The following GREM2 variants were observed in gnomAD, a reference collection of about 807,000 sequenced individuals.
The protein encoded by GREM2 is gremlin-2.
GREM2 carries 11 observed loss-of-function variants against 14.2 expected under a neutral mutation model. The observed-to-expected ratio is 0.78, with a 90% confidence interval of 0.49 to 1.28. The LOEUF is 1.28. Among genes scored for constraint, GREM2 ranks in the 50% most tolerant of loss-of-function variants. The probability of loss-of-function intolerance (pLI) is 0.00; values close to 1 mark genes in which losing one functional copy is unlikely to be tolerated. For missense variants in GREM2, 210 were observed against 218.5 expected (o/e 0.96, Z 0.24); for synonymous variants, 98 against 97.6 (o/e 1.00, Z -0.02).
rs1678562242 is a variant in GREM2, at chr1:240,540,498, A to C, written c.-1-47022T>G. On this transcript the variant is annotated intron_variant, in intron 1 of 1. Transcript: ENST00000318160. This position sits in a 1 kb window ranked among gnomAD's most constrained non-coding sequence, Gnocchi z 4.2. ...TGAACTGAGAGATTGTGTTCTAGTA[A>C]GACTGGAATCACTACCATTAACAGC... 6.6e-6 allele frequency among the ~76,000 whole-genome samples: 1 copy of C among 152,178 alleles called. No homozygotes were observed. The highest frequency in any genetic ancestry group is 2.1e-4 in the South Asian group (1 of 4,824).
intron 1 of GREM2, among the ~76,000 whole-genome samples, chr1:240,538,851 T>G (rs978213455): frequency 1.3e-5 from 2 of 152,234 alleles, no homozygotes; most frequent in African/African-American, 4.8e-5. Context: ...TCTCCCAAAA[T>G]GAATCAGAAA....
intron 1 of GREM2, among the ~76,000 whole-genome samples, chr1:240,599,243 G>A (rs980102548): frequency 2.7e-5 from 4 of 150,620 alleles, no homozygotes; most frequent in African/African-American, 7.4e-5. Context: ...ACTTCAGCCG[G>A]GGCAACAGAG....
chr1:240,582,582 G>A (rs567202833), intron 1 of GREM2, among the ~76,000 whole-genome samples: 2 of 152,180 alleles, frequency 1.3e-5, no homozygotes, highest in Admixed American at 6.5e-5. Flanking sequence ...GATCACCGGA[G>A]GTCAGGAGTT....
intron 1 of GREM2, among the ~76,000 whole-genome samples, chr1:240,497,510 A>G (rs1412246505): frequency 6.6e-6 from 1 of 152,094 alleles, no homozygotes; most frequent in Admixed American, 6.6e-5. Flanking sequence ...TTAGGAAGTC[A>G]CAAGTAAGTG....
chr1:240,579,063 G>T (rs1025041942), intron 1 of GREM2, among the ~76,000 whole-genome samples: 2 of 152,110 alleles, frequency 1.3e-5, no homozygotes, highest in South Asian at 4.1e-4. Flanking sequence ...GACTCTCATT[G>T]TCAGGTCATT....
At chr1:240,535,604 A>C (rs1266042925) in intron 1 of GREM2, among the ~76,000 whole-genome samples, 1 of 152,116 alleles carries the variant, frequency 6.6e-6, no homozygotes, top group Non-Finnish European at 1.5e-5. Context: ...GTTTGAGACC[A>C]ACCTGGCCAA....
chr1:240,610,232 G>A (rs1680106766), intron 1 of GREM2, among the ~76,000 whole-genome samples: 1 of 151,786 alleles, frequency 6.6e-6, no homozygotes, highest in African/African-American at 2.4e-5. Context: ...AATGTAGTTG[G>A]GTCGATTAAC....
At chr1:240,499,289 G>T (rs1320946951) in intron 1 of GREM2, among the ~76,000 whole-genome samples, 1 of 152,190 alleles carries the variant, frequency 6.6e-6, no homozygotes, top group Non-Finnish European at 1.5e-5. Flanking sequence ...TTGAGTTTTA[G>T]AAGTCAAATC....
At chr1:240,547,458 C>T (rs1678757263) in intron 1 of GREM2, among the ~76,000 whole-genome samples, 1 of 148,378 alleles carries the variant, frequency 6.7e-6, no homozygotes, top group Non-Finnish European at 1.5e-5. Context: ...CGAAATCACA[C>T]CGCTGCACTC....
At chr1:240,605,399 C>T (rs541699449) in intron 1 of GREM2, among the ~76,000 whole-genome samples, 30 of 152,192 alleles carry the variant, frequency 2.0e-4, no homozygotes, top group African/African-American at 5.1e-4. Context: ...ATCACTTGAA[C>T]GTGAGAGGTT....
At chr1:240,600,598 C>T (rs978986361) in intron 1 of GREM2, among the ~76,000 whole-genome samples, 1 of 152,170 alleles carries the variant, frequency 6.6e-6, no homozygotes, top group African/African-American at 2.4e-5. Flanking sequence ...ATTCTCCTAC[C>T]TCAGCCTCCT....
At chr1:240,586,424 T>C (rs1051667422) in intron 1 of GREM2, among the ~76,000 whole-genome samples, 30 of 152,232 alleles carry the variant, frequency 2.0e-4, no homozygotes, top group African/African-American at 7.0e-4. Context: ...GACTTCTCAC[T>C]GAGTGACCTT....
chr1:240,556,319 T>C (rs571183039), intron 1 of GREM2, among the ~76,000 whole-genome samples: 11 of 152,284 alleles, frequency 7.2e-5, no homozygotes, highest in Admixed American at 5.9e-4. Flanking sequence ...GGAAATCTAT[T>C]AGCACCATCA....
In GREM2 at chr1:240,543,296, CTG is replaced by C. The variant is rs1302567629; in HGVS notation, c.-1-49822_-1-49821del. 2.0e-5 allele frequency among the ~76,000 whole-genome samples: 3 copies of C among 152,150 alleles called. No individual in the cohort carries two copies. Among genetic ancestry groups the C allele is most frequent in the South Asian group, 2.1e-4 (1 of 4,830 alleles). On this transcript the variant is annotated intron_variant, in intron 1 of 1. Coordinates refer to ENST00000318160, the MANE Select transcript of GREM2 (RefSeq NM_022469.4). The surrounding 1 kb of genome is among the most constrained non-coding windows in gnomAD (Gnocchi z 6.4). ...TGCTAATAAAAAGACATACCTGAAA[CTG>C]TGTAATTTATAAAGAAAAGAGGTTT... is the stretch of plus-strand genomic sequence containing the variant.
chr1:240,566,581 A>G (rs1679179941), intron 1 of GREM2, among the ~76,000 whole-genome samples: 1 of 152,184 alleles, frequency 6.6e-6, no homozygotes, highest in Non-Finnish European at 1.5e-5. Flanking sequence ...TGATCTTCAG[A>G]AAGCCTTCCT....
intron 1 of GREM2, among the ~76,000 whole-genome samples, chr1:240,588,173 C>G (rs1679637759): frequency 6.6e-6 from 1 of 152,160 alleles, no homozygotes; most frequent in Admixed American, 6.5e-5. Flanking sequence ...TACTGTTTTT[C>G]AGTGTTTTGC....
intron 1 of GREM2, among the ~76,000 whole-genome samples, chr1:240,574,205 C>T (rs1240548745): frequency 6.6e-6 from 1 of 152,050 alleles, no homozygotes; most frequent in African/African-American, 2.4e-5. Context: ...CAGGAGTGAG[C>T]CACTGCACCC....
At chr1:240,557,494 C>G (rs1228929306) in intron 1 of GREM2, among the ~76,000 whole-genome samples, 2 of 152,000 alleles carry the variant, frequency 1.3e-5, no homozygotes, top group African/African-American at 4.8e-5. Flanking sequence ...CAACAGCCAT[C>G]CTGAAAGCAG....
intron 1 of GREM2, among the ~76,000 whole-genome samples, chr1:240,578,251 G>A (rs555785629): frequency 5.8e-4 from 88 of 151,952 alleles, no homozygotes; most frequent in African/African-American, 2.0e-3. Context: ...TCAGCCTTCC[G>A]AGTAGCTGGG....
Sources: allele counts gnomAD v4.1 joint callset (sites outside exome capture counted in the v4.1 genomes callset), GRCh38; gene constraint gnomAD v4.1.1; non-coding constraint Gnocchi (gnomAD v3.1); transcripts MANE v1.5; gene names NCBI Gene and HGNC (gene_info 2026-07-23, HGNC 2026-07-21).